The following PCDHGA12 variants were observed in gnomAD, a reference collection of about 807,000 sequenced individuals.
PCDHGA12 encodes the protein protocadherin gamma subfamily A, 12, also known as protocadherin gamma-A12.
A neutral mutation model predicts 61.1 loss-of-function variants in PCDHGA12; 43 were observed. The ratio of observed to expected loss-of-function variants is 0.70; its 90% CI spans 0.55 to 0.91. The LOEUF (loss-of-function observed/expected upper bound fraction) is 0.91. Among genes scored for constraint, PCDHGA12 ranks in the 40% least tolerant of loss-of-function variants. The pLI is 0.00. For synonymous variants in PCDHGA12, 520 were observed against 542.9 expected, an observed-to-expected ratio of 0.96 and a Z score of 0.59; for missense variants, 1,236 against 1,227.7, an observed-to-expected ratio of 1.01 and a Z score of -0.10.
At chr5:141,465,162 G>A (rs1464525964) in intron 1 of PCDHGA12, among the ~76,000 whole-genome samples, 1 of 151,654 alleles carries the variant, frequency 6.6e-6, no homozygotes, top group Non-Finnish European at 1.5e-5. Context: ...GACTCTAAAT[G>A]TTTATGAAGA....
intron 1 of PCDHGA12, among the ~76,000 whole-genome samples, chr5:141,449,056 G>A (rs149442150): frequency 6.6e-6 from 1 of 152,068 alleles, no homozygotes; most frequent in African/African-American, 2.4e-5. Flanking sequence ...TCATAAATGA[G>A]CGCTATTGAA....
rs144018757 is a variant in PCDHGA12, at chr5:141,443,001, A to G, written c.2424+9818A>G. On this transcript the variant is annotated intron_variant, in intron 1 of 3. Transcript: ENST00000252085. ...GTTAGCCTATAATTTCAGTAAATCTAAGAATATGACTAATGGAAGTTGCCA... is the reference window on the plus strand; with the variant it reads ...GTTAGCCTATAATTTCAGTAAATCTGAGAATATGACTAATGGAAGTTGCCA... Among the ~76,000 whole-genome samples the G allele has an allele frequency of 1.3e-3, 194 of 152,312 alleles. 1 individual carries two copies. The East Asian group carries it at 0.032, about 25-fold the overall frequency.
chr5:141,497,960 C>T (rs946836523), intron 2 of PCDHGA12, among the ~76,000 whole-genome samples: 24 of 152,202 alleles, frequency 1.6e-4, no homozygotes, highest in African/African-American at 5.8e-4. Flanking sequence ...GTTGGCCAGG[C>T]AGTGTTCTCG....
Position 141,432,326 on chromosome 5 carries a change from G to C in PCDHGA12, c.1567G>C (p.Glu523Gln). The C allele has an allele frequency of 1.2e-6, 2 of 1,614,228 alleles. No individual in the cohort carries two copies. The highest frequency in any genetic ancestry group is 2.2e-5 in the East Asian group (1 of 44,890). Residue 523 changes from glutamate (E) to glutamine (Q), a missense_variant, in exon 1 of 4, where the codon GAG becomes CAG. By Grantham distance (29) the Glu-to-Gln change is conservative. Transcript: ENST00000252085. This position sits in a 1 kb window ranked among gnomAD's most constrained non-coding sequence, Gnocchi z 6.0. ...GTATGCGCTGAGCTCCTTCGACTAC[G>C]AGCAGTTCCGAGACTTGCAAGTGAA... Reference protein sequence around the residue: ...VLYALSSFDYEQFRDLQVKVM... With the variant: ...VLYALSSFDYQQFRDLQVKVM...
At position 141,490,208 on chromosome 5, in the gene PCDHGA12, G is replaced by A. The variant is rs745796427; in HGVS notation, c.2425-4599G>A. On this transcript the variant is annotated intron_variant, in intron 1 of 3. Coordinates refer to ENST00000252085, the MANE Select transcript of PCDHGA12 (RefSeq NM_003735.3). The surrounding 1 kb of genome is among the most constrained non-coding windows in gnomAD (Gnocchi z 5.4). ...TTCTATGAAATTCATGCAAGAGCCC[G>A]TGACCAGGGACAGCCTGCCATGGAG... 44 of 1,614,120 alleles carry A rather than the reference G, an allele frequency of 2.7e-5. No individual in the cohort carries two copies. The Admixed American group carries it at 4.5e-4, about 17-fold the overall frequency.
At chr5:141,469,374 A>G (rs1270202528) in intron 1 of PCDHGA12, among the ~76,000 whole-genome samples, 1 of 152,076 alleles carries the variant, frequency 6.6e-6, no homozygotes, top group Non-Finnish European at 1.5e-5. Flanking sequence ...AAAGAGATCG[A>G]GACCATCCTG....
Position 141,511,186 on chromosome 5 carries a change from G to A in PCDHGA12, c.*13G>A. 1 of 1,613,906 alleles carries A rather than the reference G, an allele frequency of 6.2e-7. No individual in the cohort carries two copies. The highest frequency in any genetic ancestry group is 8.5e-7 in the Non-Finnish European group (1 of 1,179,890). ...GGAGAAGAAGTAACATGGAGGCCAG[G>A]CCAAGAGCCACAGGGCGGCCTCTCC... On this transcript the variant is annotated 3_prime_UTR_variant, in exon 4 of 4. Transcript: ENST00000252085.
rs576983336 is a variant in PCDHGA12, at chr5:141,489,165, G to A, written c.2425-5642G>A. 5.8e-4 allele frequency: 625 copies of A among 1,082,080 alleles called. 8 individuals are homozygous for A. The South Asian group carries it at 7.9e-3, about 14-fold the overall frequency. The allele number at this position is 1,082,080 out of a possible 1,614,324, so 67.0% of individuals were successfully genotyped here. On this transcript the variant is annotated intron_variant, in intron 1 of 3. Transcript: ENST00000252085. The surrounding 1 kb of genome is among the most constrained non-coding windows in gnomAD (Gnocchi z 4.5). ...GAAGGAGACATAAGAGACTTCAGCT[G>A]CTGCATTCCAAGCCCTGGGTCTACC...
intron 2 of PCDHGA12, among the ~76,000 whole-genome samples, chr5:141,499,214 C>T (rs1228581603): frequency 6.6e-6 from 1 of 152,074 alleles, no homozygotes; most frequent in Non-Finnish European, 1.5e-5. Flanking sequence ...TAACCCAGGC[C>T]CTGCCCTGCA....
At chr5:141,442,674 A>G (rs2098335634) in intron 1 of PCDHGA12, among the ~76,000 whole-genome samples, 1 of 152,272 alleles carries the variant, frequency 6.6e-6, no homozygotes, top group Non-Finnish European at 1.5e-5. Context: ...GGTGAGCTTG[A>G]GGGACAGTAG....
intron 1 of PCDHGA12, among the ~76,000 whole-genome samples, chr5:141,460,183 CCA>C (rs561755067): frequency 7.2e-5 from 11 of 151,782 alleles, no homozygotes; most frequent in Non-Finnish European, 1.0e-4. Context: ...ATATTTTATC[CCA>C]GACTATGACT....
At chr5:141,453,451 T>C (rs1052905667) in intron 1 of PCDHGA12, among the ~76,000 whole-genome samples, 1 of 152,096 alleles carries the variant, frequency 6.6e-6, no homozygotes, top group Non-Finnish European at 1.5e-5. Flanking sequence ...TTTTTGAATA[T>C]GTAAAACATT....
At chr5:141,479,048 C>A (rs1253895615) in intron 1 of PCDHGA12, among the ~76,000 whole-genome samples, 1 of 152,150 alleles carries the variant, frequency 6.6e-6, no homozygotes, top group Admixed American at 6.5e-5. Flanking sequence ...GTACCTCATT[C>A]TCAGATAATT....
rs1340692426 is a variant in PCDHGA12 at position 141,485,025 on chromosome 5, A to C, written c.2425-9782A>C. ...CAAATCTACCCCGCCACCAGCAAAAACGGCGCGTAACCCTTGCGGCGCCGG... is the reference window on the plus strand; with the variant it reads ...CAAATCTACCCCGCCACCAGCAAAACCGGCGCGTAACCCTTGCGGCGCCGG... On this transcript the variant is annotated intron_variant, in intron 1 of 3. Transcript: ENST00000252085. This position sits in a 1 kb window ranked among gnomAD's most constrained non-coding sequence, Gnocchi z 5.7. 2 of 657,796 alleles carry C rather than the reference A, an allele frequency of 3.0e-6. No homozygotes were observed. The highest frequency in any genetic ancestry group is 5.4e-6 in the Non-Finnish European group (2 of 369,210). The allele number at this position is 657,796 out of a possible 1,614,324, so 40.7% of individuals were successfully genotyped here.
intron 3 of PCDHGA12, among the ~76,000 whole-genome samples, chr5:141,506,861 G>A (rs2099856791): frequency 6.6e-6 from 1 of 152,178 alleles, no homozygotes; most frequent in African/African-American, 2.4e-5. Context: ...TGGAGGACTG[G>A]TGGGTAGAGA....
chr5:141,468,339 A>G (rs1320544911), intron 1 of PCDHGA12: 2 of 151,348 alleles, frequency 1.3e-5, no homozygotes, highest in Non-Finnish European at 2.9e-5. Context: ...TCAAAAAAAA[A>G]AAAAAAAAAA....
intron 3 of PCDHGA12, among the ~76,000 whole-genome samples, chr5:141,509,345 G>A (rs1203328830): frequency 6.6e-6 from 1 of 152,196 alleles, no homozygotes; most frequent in Non-Finnish European, 1.5e-5. Flanking sequence ...GGCCTGGGCT[G>A]GCCTGGGCAT....
chr5:141,502,524 C>T (rs959562458), intron 2 of PCDHGA12, among the ~76,000 whole-genome samples: 3 of 151,910 alleles, frequency 2.0e-5, no homozygotes, highest in East Asian at 1.9e-4. Flanking sequence ...TCAGTGATGC[C>T]GAGTTTGTTC....
At chr5:141,509,404 A>C (rs1248030362) in intron 3 of PCDHGA12, among the ~76,000 whole-genome samples, 3 of 152,112 alleles carry the variant, frequency 2.0e-5, no homozygotes, top group Non-Finnish European at 4.4e-5. Context: ...CAGGGCCTCC[A>C]GCAGCGAGCC....
Sources: allele counts gnomAD v4.1 joint callset (sites outside exome capture counted in the v4.1 genomes callset), GRCh38; gene constraint gnomAD v4.1.1; non-coding constraint Gnocchi (gnomAD v3.1); transcripts MANE v1.5; gene names NCBI Gene and HGNC (gene_info 2026-07-23, HGNC 2026-07-21).